ELMO1: variants seen among roughly 807,000 people sequenced by gnomAD.
The protein encoded by ELMO1 is engulfment and cell motility protein 1.
In ELMO1, 26 loss-of-function variants were observed where a neutral mutation model predicts 98.9. The ratio of observed to expected loss-of-function variants is 0.26; its 90% CI spans 0.19 to 0.36. The LOEUF (loss-of-function observed/expected upper bound fraction) is 0.36, where lower values mean the gene tolerates loss of function less well. Ranked by LOEUF, ELMO1 falls within the 10% of genes least tolerant of loss-of-function variation. ELMO1 has a pLI of 1.00. For synonymous variants in ELMO1, 346 were observed against 346.0 expected (o/e 1.00, Z 0.00); for missense variants, 627 against 935.2 (o/e 0.67, Z 4.30).
intron 2 of ELMO1, among the ~76,000 whole-genome samples, chr7:37,327,826 G>GAAT (rs983219538): frequency 9.0e-4 from 137 of 152,188 alleles, no homozygotes; most frequent in African/African-American, 3.0e-3. Flanking sequence ...CAGCCCTGAA[G>GAAT]AATAGTAACA....
intron 15 of ELMO1, among the ~76,000 whole-genome samples, chr7:37,062,108 C>T (rs1796696708): frequency 6.6e-6 from 1 of 152,210 alleles, no homozygotes; most frequent in African/African-American, 2.4e-5. Flanking sequence ...GTATAATTTA[C>T]ATAATGTTTT....
intron 1 of ELMO1, among the ~76,000 whole-genome samples, chr7:37,397,458 T>A (rs980327993): frequency 6.6e-6 from 1 of 152,194 alleles, no homozygotes; most frequent in African/African-American, 2.4e-5. Flanking sequence ...TTGGGCAGCA[T>A]CCATGCACAA....
intron 13 of ELMO1, among the ~76,000 whole-genome samples, chr7:37,166,244 T>A (rs994825395): frequency 5.3e-5 from 8 of 152,206 alleles, no homozygotes; most frequent in Non-Finnish European, 7.3e-5. Flanking sequence ...TCTTTATTAG[T>A]CTTGCTAGCG....
intron 1 of ELMO1, among the ~76,000 whole-genome samples, chr7:37,371,836 G>A (rs1317738981): frequency 1.4e-4 from 21 of 152,214 alleles, no homozygotes; most frequent in Non-Finnish European, 3.1e-4. Context: ...CTCCCCTGAT[G>A]AGTTGCGAAG....
At chr7:37,105,801 T>C (rs1394272226) in intron 14 of ELMO1, among the ~76,000 whole-genome samples, 1 of 152,118 alleles carries the variant, frequency 6.6e-6, no homozygotes, top group African/African-American at 2.4e-5. Context: ...CTGTGACTAA[T>C]AAAAAAATCA....
intron 9 of ELMO1, among the ~76,000 whole-genome samples, 195 bp from the exon 10 acceptor site, chr7:37,222,888 ATT>A (rs1793674033): frequency 6.6e-6 from 1 of 152,202 alleles, no homozygotes; most frequent in Admixed American, 6.5e-5. Flanking sequence ...TACAACTACT[ATT>A]ACTAGCTGAC....
At chr7:36,875,706 C>G (rs541655951) in intron 19 of ELMO1, among the ~76,000 whole-genome samples, 1 of 152,250 alleles carries the variant, frequency 6.6e-6, no homozygotes, top group African/African-American at 2.4e-5. Context: ...ACCTCTAGTT[C>G]CAGGTTAGTT....
chr7:36,965,001 A>G (rs995528478), intron 16 of ELMO1, among the ~76,000 whole-genome samples: 1 of 152,056 alleles, frequency 6.6e-6, no homozygotes, highest in East Asian at 1.9e-4. Flanking sequence ...CCCATCCAGG[A>G]TGGGCTCTGG....
At chr7:36,955,827 T>C (rs923550287) in intron 16 of ELMO1, among the ~76,000 whole-genome samples, 2 of 152,166 alleles carry the variant, frequency 1.3e-5, no homozygotes, top group African/African-American at 4.8e-5. Context: ...GGTGGTAAAT[T>C]CTTGATATCT....
intron 4 of ELMO1, among the ~76,000 whole-genome samples, chr7:37,296,753 A>C (rs1416015510): frequency 6.6e-6 from 1 of 152,260 alleles, no homozygotes. Flanking sequence ...GAATCTTTCC[A>C]GATACTTGGA....
At chr7:37,418,927 T>TA (rs1205810817) in intron 1 of ELMO1, among the ~76,000 whole-genome samples, 1 of 152,068 alleles carries the variant, frequency 6.6e-6, no homozygotes, top group Admixed American at 6.5e-5. Context: ...GCAACAAGAC[T>TA]AAGCAGCTAC....
At chr7:37,203,661 T>A (rs2130338561) in intron 13 of ELMO1, among the ~76,000 whole-genome samples, 1 of 152,222 alleles carries the variant, frequency 6.6e-6, no homozygotes, top group East Asian at 1.9e-4. Flanking sequence ...GAGTGGTTTT[T>A]TAGAAGTGGG....
At chr7:37,073,698 T>C (rs536967157) in intron 15 of ELMO1, among the ~76,000 whole-genome samples, 6 of 152,140 alleles carry the variant, frequency 3.9e-5, no homozygotes, top group Admixed American at 1.3e-4. Context: ...ACTGTGATGC[T>C]TGAACTCCTG....
rs771518330 is a variant in ELMO1 at position 37,384,536 on chromosome 7, A to C, written c.-73-41773T>G. 7.1e-4 allele frequency among the ~76,000 whole-genome samples: 108 copies of C among 152,060 alleles called. 2 individuals carry two copies. The highest frequency in any genetic ancestry group is 6.8e-3 in the Middle Eastern group (2 of 294). On this transcript the variant is annotated intron_variant, in intron 1 of 21. Coordinates refer to ENST00000310758, the MANE Select transcript of ELMO1 (RefSeq NM_014800.11). ...GAGATCAAGACCATCCTGGCTAACA[A>C]GGTGAAACCCCGTCTCTACTAAAAA... is the stretch of plus-strand genomic sequence containing the variant.
At chr7:36,973,910 TC>T (rs1790236184) in intron 16 of ELMO1, among the ~76,000 whole-genome samples, 1 of 152,088 alleles carries the variant, frequency 6.6e-6, no homozygotes, top group African/African-American at 2.4e-5. Context: ...GTGTACTGGG[TC>T]CCCCAGCAGT....
chr7:36,881,213 C>T (rs1470828565), intron 18 of ELMO1, among the ~76,000 whole-genome samples: 1 of 152,186 alleles, frequency 6.6e-6, no homozygotes, highest in African/African-American at 2.4e-5. Context: ...CAGTATCTTC[C>T]TCACAGTAAA....
intron 21 of ELMO1, among the ~76,000 whole-genome samples, chr7:36,857,511 T>C (rs1802296076): frequency 6.6e-6 from 1 of 152,182 alleles, no homozygotes; most frequent in Non-Finnish European, 1.5e-5. Flanking sequence ...TTCCCAGGCC[T>C]GGCTAGCTTC....
At chr7:37,316,087 G>A (rs574944577) in intron 2 of ELMO1, 127 bp from the exon 3 acceptor site, 4 of 735,410 alleles carry the variant, frequency 5.4e-6, no homozygotes, top group East Asian at 5.2e-5. Flanking sequence ...CTTAGTTGTT[G>A]TCAATGAGTC....
intron 1 of ELMO1, among the ~76,000 whole-genome samples, chr7:37,390,678 C>G (rs1172613409): frequency 6.6e-6 from 1 of 152,140 alleles, no homozygotes; most frequent in Non-Finnish European, 1.5e-5. Context: ...TGTCAGAGTT[C>G]ATATAGGGCT....
Sources: gnomAD v4.1 joint callset for allele counts (sites outside exome capture counted in the v4.1 genomes callset) on GRCh38, gnomAD v4.1.1 for gene constraint, MANE v1.5 for transcripts, NCBI Gene and HGNC (gene_info 2026-07-23, HGNC 2026-07-21) for gene names.